The following DNAJC1 variants were observed in gnomAD, a reference collection of about 807,000 sequenced individuals.
DNAJC1 encodes DnaJ heat shock protein family (Hsp40) member C1.
A neutral mutation model predicts 76.6 loss-of-function variants in DNAJC1; 58 were observed. That is an observed-to-expected ratio of 0.76 (90% confidence interval 0.61 to 0.94). DNAJC1 has a LOEUF of 0.94. Ranked by LOEUF, DNAJC1 falls within the 40% of genes least tolerant of loss-of-function variation. The pLI is 0.00. For missense variants in DNAJC1, 689 were observed against 677.3 expected (o/e 1.02, Z -0.19); for synonymous variants, 258 against 267.9 (o/e 0.96, Z 0.36).
chr10:21,998,321 C>G (rs1838452578), intron 1 of DNAJC1, among the ~76,000 whole-genome samples: 1 of 138,090 alleles, frequency 7.2e-6, no homozygotes, highest in Admixed American at 8.3e-5. Context: ...ACCCAGGAGG[C>G]AGAGGTTGCA....
chr10:21,868,691 G>A (rs932285118), intron 8 of DNAJC1, among the ~76,000 whole-genome samples: 1 of 151,960 alleles, frequency 6.6e-6, no homozygotes, highest in Non-Finnish European at 1.5e-5. Context: ...AGGAGGGTGA[G>A]TAGGGGATAG....
intron 1 of DNAJC1, among the ~76,000 whole-genome samples, chr10:21,950,042 CT>C (rs987144976): frequency 1.3e-3 from 185 of 142,502 alleles, no homozygotes; most frequent in Non-Finnish European, 1.3e-3. Context: ...TCCACAGAAT[CT>C]TTTTTTTTTT....
rs139703405 is a variant in DNAJC1, at chr10:21,897,943, A to G, written c.820+6579T>C. Among the ~76,000 whole-genome samples the G allele has an allele frequency of 3.1e-3, 479 of 152,386 alleles. 3 individuals are homozygous for G. Among genetic ancestry groups the G allele is most frequent in the African/African-American group, 0.011 (460 of 41,598 alleles). ...AAGAAGTAAATCTGTCCCCACGGTC[A>G]GATGACATAACTGTCTACACAGAAA... On this transcript the variant is annotated intron_variant, in intron 7 of 11. Coordinates refer to ENST00000376980, the MANE Select transcript of DNAJC1 (RefSeq NM_022365.4).
intron 7 of DNAJC1, among the ~76,000 whole-genome samples, chr10:21,895,599 A>G (rs1299689159): frequency 2.6e-5 from 4 of 152,182 alleles, no homozygotes; most frequent in Non-Finnish European, 2.9e-5. Context: ...AAAGATTTAA[A>G]AAATTCTCAG....
At chr10:21,867,841 G>A (rs557846106) in intron 8 of DNAJC1, among the ~76,000 whole-genome samples, 60 of 152,060 alleles carry the variant, frequency 3.9e-4, no homozygotes, top group African/African-American at 1.4e-3. Context: ...GGAGGCCGAG[G>A]CGGGCAGATC....
chr10:21,986,607 G>A (rs1013161396), intron 1 of DNAJC1, among the ~76,000 whole-genome samples: 7 of 151,742 alleles, frequency 4.6e-5, no homozygotes, highest in East Asian at 1.9e-4. Flanking sequence ...CATATTTTTC[G>A]TTCTTTATTC....
intron 1 of DNAJC1, among the ~76,000 whole-genome samples, chr10:21,951,913 A>ATT (rs1244946501): frequency 6.6e-6 from 1 of 152,216 alleles, no homozygotes; most frequent in Non-Finnish European, 1.5e-5. Flanking sequence ...CCCTTTGTTA[A>ATT]TAAAGTCCCA....
At chr10:21,960,470 A>T (rs1301999335) in intron 1 of DNAJC1, among the ~76,000 whole-genome samples, 1 of 152,230 alleles carries the variant, frequency 6.6e-6, no homozygotes, top group East Asian at 1.9e-4. Flanking sequence ...ACAGCACTTT[A>T]GGAGACTGAG....
At chr10:21,870,389 C>T (rs1288983257) in intron 8 of DNAJC1, among the ~76,000 whole-genome samples, 2 of 152,038 alleles carry the variant, frequency 1.3e-5, no homozygotes, top group Non-Finnish European at 2.9e-5. Context: ...AAAGCAACAA[C>T]AACAAAAAGC....
intron 8 of DNAJC1, among the ~76,000 whole-genome samples, chr10:21,863,581 A>C (rs934123095): frequency 3.3e-5 from 5 of 152,160 alleles, no homozygotes; most frequent in African/African-American, 9.7e-5. Context: ...CAATATGTAC[A>C]CAGACATAAA....
At chr10:21,919,260 C>T (rs1837001402) in intron 5 of DNAJC1, among the ~76,000 whole-genome samples, 1 of 151,972 alleles carries the variant, frequency 6.6e-6, no homozygotes, top group Admixed American at 6.6e-5. Context: ...CAAGTGCTGA[C>T]AACCAGATAT....
intron 6 of DNAJC1, among the ~76,000 whole-genome samples, chr10:21,908,176 TAATATATAAA>T (rs1420819839): frequency 1.8e-5 from 2 of 108,804 alleles, no homozygotes; most frequent in Admixed American, 1.4e-4. Flanking sequence ...ATATAATATA[TAATATATAAA>T]AATATATATT....
intron 9 of DNAJC1, among the ~76,000 whole-genome samples, chr10:21,777,501 T>C (rs1027271043): frequency 2.0e-5 from 3 of 152,194 alleles, no homozygotes; most frequent in African/African-American, 4.8e-5. Flanking sequence ...CTTAGGAGCA[T>C]AGCCACATAA....
At chr10:21,934,422 T>A (rs2666751) in intron 1 of DNAJC1, among the ~76,000 whole-genome samples, 150,885 of 152,242 alleles carry the variant, frequency 0.99, 74,822 homozygotes, top group Middle Eastern at 1. Flanking sequence ...AATTTAGTGT[T>A]GTCTAAGTGT....
intron 11 of DNAJC1, among the ~76,000 whole-genome samples, chr10:21,758,689 T>A (rs147021920): frequency 1.6e-4 from 25 of 152,380 alleles, no homozygotes; most frequent in African/African-American, 6.0e-4. Flanking sequence ...TCGAAGATGA[T>A]CACGGTAATA....
At chr10:21,994,514 C>T (rs375796977) in intron 1 of DNAJC1, among the ~76,000 whole-genome samples, 6 of 152,100 alleles carry the variant, frequency 3.9e-5, no homozygotes, top group African/African-American at 7.2e-5. Flanking sequence ...GTTGGCCAGG[C>T]GCGGTGGCTC....
intron 8 of DNAJC1, among the ~76,000 whole-genome samples, chr10:21,831,491 G>A (rs1835355918): frequency 6.6e-6 from 1 of 152,116 alleles, no homozygotes; most frequent in African/African-American, 2.4e-5. Flanking sequence ...TACTGTTGTT[G>A]TTCTTAATAC....
chr10:21,996,707 A>C (rs1400911076), intron 1 of DNAJC1, among the ~76,000 whole-genome samples: 3 of 152,182 alleles, frequency 2.0e-5, no homozygotes, highest in Non-Finnish European at 4.4e-5. Flanking sequence ...GAAACTTAAA[A>C]CTAAAAGAAA....
chr10:21,894,734 G>A (rs1321829643), intron 7 of DNAJC1, among the ~76,000 whole-genome samples: 1 of 152,212 alleles, frequency 6.6e-6, no homozygotes, highest in Non-Finnish European at 1.5e-5. Flanking sequence ...AGTCTGCACA[G>A]AGGTGGAGCC....
Sources: gnomAD v4.1 joint callset for allele counts (sites outside exome capture counted in the v4.1 genomes callset) on GRCh38, gnomAD v4.1.1 for gene constraint, MANE v1.5 for transcripts, NCBI Gene and HGNC (gene_info 2026-07-23, HGNC 2026-07-21) for gene names.